MIA3: variants seen among roughly 807,000 people sequenced by gnomAD.
The protein encoded by MIA3 is transport and Golgi organization protein 1 homolog.
Under a neutral mutation model 192.4 loss-of-function variants are expected in MIA3, and 90 were observed. The observed-to-expected ratio is 0.47, with a 90% CI of 0.39 to 0.56. The LOEUF (loss-of-function observed/expected upper bound fraction) is 0.56. Among genes scored for constraint, MIA3 ranks in the 20% least tolerant of loss-of-function variants. The pLI is 0.00. For missense variants in MIA3, 2,123 were observed against 2,269.4 expected (o/e 0.94, Z 1.31); for synonymous variants, 740 against 792.8 (o/e 0.93, Z 1.12).
chr1:222,624,116 C>T (rs1460861867), intron 2 of MIA3, among the ~76,000 whole-genome samples: 5 of 151,892 alleles, frequency 3.3e-5, no homozygotes, highest in Non-Finnish European at 5.9e-5. Flanking sequence ...ACTCTCAGAC[C>T]GCATAGCCTA....
intron 4 of MIA3, among the ~76,000 whole-genome samples, chr1:222,630,865 C>CGG (rs1389602356): frequency 3.9e-5 from 6 of 152,092 alleles, no homozygotes; most frequent in Non-Finnish European, 8.8e-5. Flanking sequence ...GCACTTACTC[C>CGG]AGTTAAACCC....
At chr1:222,650,973 CTT>C in intron 11 of MIA3, 70 bp downstream of exon 11, 1 of 871,526 alleles carries the variant, frequency 1.1e-6, no homozygotes, top group Admixed American at 2.5e-5. Flanking sequence ...GAGTTGAACT[CTT>C]TATTTTCCAT....
chr1:222,663,171 A>T (rs1278980730), intron 26 of MIA3: 1 of 152,236 alleles, frequency 6.6e-6, no homozygotes, highest in Non-Finnish European at 1.5e-5. Context: ...TAGTGAATGA[A>T]GATGAATAGA....
chr1:222,664,031 C>T lies in MIA3; in HGVS notation c.5296C>T (p.Pro1766Ser). The T allele has an allele frequency of 6.2e-7, 1 of 1,614,080 alleles. No individual in the cohort carries two copies. The highest frequency in any genetic ancestry group is 8.5e-7 in the Non-Finnish European group (1 of 1,179,956). The part of the protein sequence containing the change: ...NMAPKGPPPF[P>S]GVPLMSTPMG... ...GGCTCCAAAAGGGCCCCCTCCTTTC[C>T]CAGGAGTCCCTCTCATGAGCACCCC... The change falls in exon 27 of 28, where the codon CCA becomes TCA. Residue 1766 changes from proline (P) to serine (S), a missense_variant. By Grantham distance (74) the Pro-to-Ser change is moderately conservative. Transcript: ENST00000344922.
Position 222,662,526 on chromosome 1 carries a change from AGC to A in MIA3, c.5262+195_5262+196del, listed in dbSNP as rs1664071573. On this transcript the variant is annotated intron_variant, in intron 26 of 27. Coordinates refer to ENST00000344922, the MANE Select transcript of MIA3 (RefSeq NM_198551.4). ...TTACATCTTTGGCTGAGCGTCCAGT[AGC>A]AGTAAGTACTTAGAAGTGTGGACTG... The A allele has an allele frequency of 7.9e-6, 11 of 1,386,116 alleles. No homozygotes were observed. In the African/African-American group the frequency reaches 1.0e-4, roughly 13 times the overall value. The allele number at this position is 1,386,116 out of a possible 1,614,324, so 85.9% of individuals were successfully genotyped here. A position where few individuals can be genotyped will look rare whatever the true frequency, so the allele number is the denominator to read the frequency against.
At chr1:222,652,098 G>T in intron 12 of MIA3, 50 bp downstream of exon 12, 1 of 1,341,314 alleles carries the variant, frequency 7.5e-7, no homozygotes, top group South Asian at 1.2e-5. Flanking sequence ...ATCATAGTTT[G>T]ATTGCAGAGC....
intron 3 of MIA3, among the ~76,000 whole-genome samples, chr1:222,625,371 A>G (rs1662067158): frequency 6.6e-6 from 1 of 152,234 alleles, no homozygotes; most frequent in South Asian, 2.1e-4. Context: ...AGAGTTCAGT[A>G]GTTTTATATT....
At chr1:222,651,796 T>A (rs1410036561) in intron 11 of MIA3, among the ~76,000 whole-genome samples, 181 bp from the exon 12 acceptor site, 2 of 152,214 alleles carry the variant, frequency 1.3e-5, no homozygotes, top group African/African-American at 4.8e-5. Context: ...TTTGATTATT[T>A]TCCCTTACCT....
chr1:222,662,304 C>G lies in MIA3; in HGVS notation c.5234C>G (p.Ser1745Cys), dbSNP rs745874096. The change falls in exon 26 of 28, where the codon TCC (serine) becomes TGC (cysteine). Residue 1745 changes from serine to cysteine, a missense_variant. Around this residue, in one of 3 missense-constraint regions of MIA3, gnomAD observed 762 missense variants for 856.4 expected, o/e 0.89. Transcript: ENST00000344922. The stretch of plus-strand genomic sequence containing the variant: ...ATGAACAGCAGCTCAAGAGGCTCTT[C>G]CCCTACCAGGGTACTCGATGAAGGC... Reference protein sequence around the residue: ...TMMNSSSRGSSPTRVLDEGKV... With the variant: ...TMMNSSSRGSCPTRVLDEGKV... The G allele has an allele frequency of 1.9e-6, 3 of 1,613,846 alleles. No individual in the cohort carries two copies. Among genetic ancestry groups the G allele is most frequent in the Non-Finnish European group, 1.7e-6 (2 of 1,179,886 alleles).
In MIA3 at chr1:222,666,304, AAAG is replaced by A. The variant is rs1297652742; in HGVS notation, c.*689_*691del. 1.3e-5 allele frequency: 2 copies of A among 152,086 alleles called. No homozygotes were observed. Among genetic ancestry groups the A allele is most frequent in the African/African-American group, 4.8e-5 (2 of 41,402 alleles). The allele number at this position is 152,086 out of a possible 1,614,324, so 9.4% of individuals were successfully genotyped here. A position where few individuals can be genotyped will look rare whatever the true frequency, so the allele number is the denominator to read the frequency against. On this transcript the variant is annotated 3_prime_UTR_variant, in exon 28 of 28. Coordinates refer to ENST00000344922, the MANE Select transcript of MIA3 (RefSeq NM_198551.4). Reference sequence around the variant, plus strand: ...TCTACAAGTGACGTCTTTTTATTTCAAAGAAGTTTATTTCCCACTTGTATAGCA... The same window carrying A: ...TCTACAAGTGACGTCTTTTTATTTCAAAGTTTATTTCCCACTTGTATAGCA...
chr1:222,641,517 G>T, intron 6 of MIA3: 1 of 497,006 alleles, frequency 2.0e-6, no homozygotes, highest in South Asian at 1.5e-5. Flanking sequence ...AGAGCTGGTG[G>T]ATTTTCTCTA....
rs147676833 is a variant in MIA3, at chr1:222,651,428, CT to C, written c.3909+526del. Among the ~76,000 whole-genome samples the C allele has an allele frequency of 1.7e-3, 261 of 150,894 alleles. 1 individual carries two copies. Among genetic ancestry groups the C allele is most frequent in the African/African-American group, 6.0e-3 (247 of 41,186 alleles). ...TATTGTACTCTTTGGAAGGAAGTTA[CT>C]ATCGCAGCCCACAGTTAAAAAGTGA... On this transcript the variant is annotated intron_variant, in intron 11 of 27. Coordinates refer to ENST00000344922, the MANE Select transcript of MIA3 (RefSeq NM_198551.4).
Position 222,665,335 on chromosome 1 carries a change from T to G in MIA3, c.5440T>G (p.Leu1814Val). The change falls in exon 28 of 28, where the codon TTA (leucine) becomes GTA (valine). Residue 1814 changes from leucine to valine, a missense_variant. Around this residue, in one of 3 missense-constraint regions of MIA3, gnomAD observed 762 missense variants for 856.4 expected, o/e 0.89. Transcript: ENST00000344922. ...CCCTGGTATGCGTCCACCACTAGGCTTAAGAGAATTTGCACCAGGCGTTCC... is the reference window on the plus strand; with the variant it reads ...CCCTGGTATGCGTCCACCACTAGGCGTAAGAGAATTTGCACCAGGCGTTCC... ...FGPGMRPPLG[L>V]REFAPGVPPG... 1 of 1,613,552 alleles carries G rather than the reference T, an allele frequency of 6.2e-7. No homozygotes were observed. Among genetic ancestry groups the G allele is most frequent in the Non-Finnish European group, 8.5e-7 (1 of 1,179,756 alleles).
chr1:222,662,288 A>G lies in MIA3; in HGVS notation c.5218A>G (p.Ser1740Gly). The G allele has an allele frequency of 1.2e-6, 2 of 1,614,100 alleles. No homozygotes were observed. Among genetic ancestry groups the G allele is most frequent in the East Asian group, 2.2e-5 (1 of 44,880 alleles). The change falls in exon 26 of 28, where the codon AGC (serine) becomes GGC (glycine). Residue 1740 changes from serine to glycine, a missense_variant. Physicochemically the swap from Ser to Gly is moderately conservative, Grantham distance 56. Coordinates refer to ENST00000344922, the MANE Select transcript of MIA3 (RefSeq NM_198551.4). ...TGGTACAGCTACCATGATGAACAGC[A>G]GCTCAAGAGGCTCTTCCCCTACCAG... ...GSGTATMMNS[S>G]SRGSSPTRVL...
At chr1:222,660,815 A>G (rs1228113216) in intron 24 of MIA3, 1 of 152,554 alleles carries the variant, frequency 6.6e-6, no homozygotes, top group Non-Finnish European at 1.5e-5. Context: ...TGTGTTATAA[A>G]CTATTGGAAA....
chr1:222,654,889 C>G, intron 18 of MIA3, 96 bp downstream of exon 18: 1 of 1,055,054 alleles, frequency 9.5e-7, no homozygotes, highest in Non-Finnish European at 1.4e-6. Flanking sequence ...GGATTGTACT[C>G]TTTTGCATCT....
At chr1:222,643,814 C>T (rs1662976701) in intron 6 of MIA3, among the ~76,000 whole-genome samples, 1 of 152,146 alleles carries the variant, frequency 6.6e-6, no homozygotes, top group African/African-American at 2.4e-5. Context: ...ATAACTCAAC[C>T]CATGTGCATG....
At chr1:222,642,467 G>T (rs1662906621) in intron 6 of MIA3, among the ~76,000 whole-genome samples, 1 of 151,908 alleles carries the variant, frequency 6.6e-6, no homozygotes, top group African/African-American at 2.4e-5. Context: ...TGGCCATTTT[G>T]GTTGTTTCTA....
chr1:222,661,663 A>G (rs1664019497), intron 24 of MIA3, among the ~76,000 whole-genome samples: 1 of 152,222 alleles, frequency 6.6e-6, no homozygotes, highest in South Asian at 2.1e-4. Flanking sequence ...TATGCGGCAT[A>G]CATGTTTCCA....
Sources: gnomAD v4.1 joint callset for allele counts (sites outside exome capture counted in the v4.1 genomes callset) on GRCh38, gnomAD v4.1.1 for gene constraint, gnomAD v4.1.1 regional missense constraint, MANE v1.5 for transcripts, NCBI Gene and HGNC (gene_info 2026-07-23, HGNC 2026-07-21) for gene names.